The following SDHAF3 variants were observed in gnomAD, a reference collection of about 807,000 sequenced individuals.
SDHAF3 encodes the protein succinate dehydrogenase assembly factor 3, mitochondrial.
In SDHAF3, 18 loss-of-function variants were observed where a neutral mutation model predicts 11.5. The ratio of observed to expected loss-of-function variants is 1.56; its 90% CI spans 1.08 to 2.32. SDHAF3 has a LOEUF of 2.32. Among genes scored for constraint, SDHAF3 ranks in the 30% most tolerant of loss-of-function variants. The pLI is 0.00. For synonymous variants in SDHAF3, 72 were observed against 59.3 expected, an observed-to-expected ratio of 1.21 and a Z score of -0.99; for missense variants, 200 against 154.4, an observed-to-expected ratio of 1.30 and a Z score of -1.57.
intron 1 of SDHAF3, among the ~76,000 whole-genome samples, chr7:97,161,475 G>C (rs1395496346): frequency 2.0e-5 from 3 of 152,112 alleles, no homozygotes; most frequent in Non-Finnish European, 4.4e-5. Context: ...GGGTACATGT[G>C]CAGAATGTGC....
intron 1 of SDHAF3, among the ~76,000 whole-genome samples, chr7:97,132,056 G>A (rs1422966370): frequency 6.6e-6 from 1 of 152,054 alleles, no homozygotes; most frequent in Admixed American, 6.6e-5. Context: ...AGATTTTCTT[G>A]ATTATCTGTA....
chr7:97,128,245 A>C (rs1791606926), intron 1 of SDHAF3, among the ~76,000 whole-genome samples: 2 of 152,148 alleles, frequency 1.3e-5, no homozygotes, highest in Non-Finnish European at 2.9e-5. Flanking sequence ...AAGATACAAA[A>C]CAGTTTATCC....
At chr7:97,165,959 T>TA (rs969469060) in intron 1 of SDHAF3, among the ~76,000 whole-genome samples, 21 of 152,174 alleles carry the variant, frequency 1.4e-4, no homozygotes, top group Admixed American at 1.0e-3. Flanking sequence ...AAGTCTGCTA[T>TA]AAAAAAACTT....
chr7:97,119,767 C>G (rs1791463167), intron 1 of SDHAF3, among the ~76,000 whole-genome samples: 1 of 152,106 alleles, frequency 6.6e-6, no homozygotes, highest in African/African-American at 2.4e-5. Context: ...TACCTTGATA[C>G]TTTTTTGAAA....
chr7:97,179,889 G>C (rs1485530581), intron 1 of SDHAF3, among the ~76,000 whole-genome samples: 1 of 152,190 alleles, frequency 6.6e-6, no homozygotes, highest in African/African-American at 2.4e-5. Flanking sequence ...AATTAAAGTT[G>C]CTCTGGCAAT....
chr7:97,121,432 T>A (rs1346680785), intron 1 of SDHAF3, among the ~76,000 whole-genome samples: 4 of 152,244 alleles, frequency 2.6e-5, no homozygotes, highest in Non-Finnish European at 4.4e-5. Context: ...CTGAGTTGTC[T>A]CTTGCCTAGT....
intron 1 of SDHAF3, among the ~76,000 whole-genome samples, chr7:97,163,234 C>T (rs558128669): frequency 1.1e-4 from 17 of 148,450 alleles, no homozygotes; most frequent in Middle Eastern, 3.5e-3. Context: ...CTCAGCCTTC[C>T]GGTTTCAAGT....
intron 1 of SDHAF3, among the ~76,000 whole-genome samples, chr7:97,165,294 A>G (rs1789483937): frequency 6.6e-6 from 1 of 151,698 alleles, no homozygotes; most frequent in Non-Finnish European, 1.5e-5. Flanking sequence ...CTCAAAGAAA[A>G]TATAAAATAA....
chr7:97,158,267 C>G (rs376966748), intron 1 of SDHAF3, among the ~76,000 whole-genome samples: 3 of 152,212 alleles, frequency 2.0e-5, no homozygotes, highest in Non-Finnish European at 2.9e-5. Context: ...ACCCATGAAC[C>G]TTTTTTTGTT....
At chr7:97,142,344 C>T (rs904012142) in intron 1 of SDHAF3, among the ~76,000 whole-genome samples, 9 of 151,872 alleles carry the variant, frequency 5.9e-5, no homozygotes, top group Non-Finnish European at 1.0e-4. Flanking sequence ...TGAGCCACCG[C>T]GCCTGGCCTG....
intron 1 of SDHAF3, among the ~76,000 whole-genome samples, chr7:97,175,100 C>A (rs1789660368): frequency 2.0e-5 from 3 of 151,838 alleles, no homozygotes; most frequent in South Asian, 2.1e-4. Flanking sequence ...CTATGTTATT[C>A]CTTGAAATGG....
At chr7:97,174,988 G>C (rs1789658399) in intron 1 of SDHAF3, among the ~76,000 whole-genome samples, 2 of 152,072 alleles carry the variant, frequency 1.3e-5, no homozygotes, top group African/African-American at 4.8e-5. Flanking sequence ...TAGATGTAGA[G>C]GCTTACTAGG....
intron 1 of SDHAF3, among the ~76,000 whole-genome samples, chr7:97,157,667 C>G: frequency 6.6e-6 from 1 of 152,032 alleles, no homozygotes; most frequent in Non-Finnish European, 1.5e-5. Context: ...CACATGCATA[C>G]GTATGTTTAT....
chr7:97,144,749 A>T (rs1167889596), intron 1 of SDHAF3, among the ~76,000 whole-genome samples: 1 of 152,090 alleles, frequency 6.6e-6, no homozygotes, highest in African/African-American at 2.4e-5. Context: ...TGATGCCTGC[A>T]GATTTGTTCT....
intron 1 of SDHAF3, among the ~76,000 whole-genome samples, chr7:97,144,670 A>G (rs573457130): frequency 1.1e-4 from 17 of 152,254 alleles, no homozygotes; most frequent in Admixed American, 6.5e-4. Flanking sequence ...CCATTGGTCT[A>G]TGTGCCTGTT....
In SDHAF3 at chr7:97,152,488, G is replaced by GT. The variant is rs551650496; in HGVS notation, c.175-28523dup. ...CAGATATCCCAGTTTATGGGTCTGG[G>GT]TAACACCAGTGGATCCATTAGAATG... On this transcript the variant is annotated intron_variant, in intron 1 of 1. Coordinates refer to ENST00000432641, the MANE Select transcript of SDHAF3 (RefSeq NM_020186.3). Among the ~76,000 whole-genome samples, 20 of 152,242 alleles carry GT rather than the reference G, an allele frequency of 1.3e-4. No individual in the cohort carries two copies. The South Asian group carries it at 4.1e-3, about 32-fold the overall frequency.
At position 97,123,788 on chromosome 7, in the gene SDHAF3, C is replaced by CTT. The variant is rs201123819; in HGVS notation, c.174+5904_174+5905dup. Among the ~76,000 whole-genome samples the CTT allele has an allele frequency of 4.9e-3, 673 of 137,556 alleles. 9 individuals carry two copies. Among genetic ancestry groups the CTT allele is most frequent in the East Asian group, 0.045 (216 of 4,756 alleles). 90.2% of individuals were successfully genotyped at this position (137,556 alleles called of 152,430 possible). Reference sequence around the variant, plus strand: ...TTATGTTTGTTTACTGCATAAATGTCTTTTTTTTTTTTTTGAGAAGGGTGT... The same window carrying CTT: ...TTATGTTTGTTTACTGCATAAATGTCTTTTTTTTTTTTTTTTGAGAAGGGTGT... On this transcript the variant is annotated intron_variant, in intron 1 of 1. Transcript: ENST00000432641.
At position 97,146,449 on chromosome 7, in the gene SDHAF3, CA is replaced by C. The variant is rs1199524726; in HGVS notation, c.174+28556del. The stretch of plus-strand genomic sequence containing the variant: ...TATAAAACATTTGTATATTTGAAGG[CA>C]AAACACTTTTTATTGTGATCGTATA... On this transcript the variant is annotated intron_variant, in intron 1 of 1. Transcript: ENST00000432641. Among the ~76,000 whole-genome samples the C allele has an allele frequency of 2.0e-5, 3 of 152,004 alleles. No individual in the cohort carries two copies. The East Asian group carries it at 5.8e-4, about 29-fold the overall frequency.
intron 1 of SDHAF3, among the ~76,000 whole-genome samples, chr7:97,130,926 C>T (rs575518795): frequency 6.6e-6 from 1 of 152,260 alleles, no homozygotes; most frequent in African/African-American, 2.4e-5. Flanking sequence ...GCTGAAAAGG[C>T]AGGGAGGAAG....
Sources: allele counts gnomAD v4.1 joint callset (sites outside exome capture counted in the v4.1 genomes callset), GRCh38; gene constraint gnomAD v4.1.1; transcripts MANE v1.5; gene names NCBI Gene and HGNC (gene_info 2026-07-23, HGNC 2026-07-21).